KIF26A: variants seen among roughly 807,000 people sequenced by gnomAD.
KIF26A encodes kinesin family member 26A, also known as kinesin-like protein KIF26A.
A neutral mutation model predicts 126.0 loss-of-function variants in KIF26A; 74 were observed. That is an observed-to-expected ratio of 0.59 (90% confidence interval 0.49 to 0.71). The LOEUF is 0.71. KIF26A is among the 30% of genes least tolerant of loss of function. The pLI, the probability that KIF26A is intolerant of heterozygous loss-of-function variation, is 0.00. For synonymous variants in KIF26A, 1,445 were observed against 1,232.7 expected (o/e 1.17, Z -3.61); for missense variants, 2,984 against 2,763.3 (o/e 1.08, Z -1.79).
At chr14:104,167,796 C>A (rs1402020216) in intron 5 of KIF26A, among the ~76,000 whole-genome samples, 1 of 152,094 alleles carries the variant, frequency 6.6e-6, no homozygotes, top group Non-Finnish European at 1.5e-5. Context: ...CTTTTTCCTG[C>A]CCCTCGGCCT....
intron 13 of KIF26A, among the ~76,000 whole-genome samples, chr14:104,178,975 GGT>G (rs1156485211): frequency 2.0e-5 from 3 of 152,190 alleles, no homozygotes; most frequent in Non-Finnish European, 4.4e-5. Context: ...GCAGTGGGTG[GGT>G]GGCTGGGGGG....
chr14:104,166,346 T>C (rs924605692), intron 4 of KIF26A, among the ~76,000 whole-genome samples: 2 of 152,182 alleles, frequency 1.3e-5, no homozygotes, highest in Admixed American at 6.5e-5. Flanking sequence ...GTGCCTTGAG[T>C]GTGTCAGTCC....
chr14:104,163,701 G>A (rs1246746039), intron 4 of KIF26A, among the ~76,000 whole-genome samples: 1 of 151,620 alleles, frequency 6.6e-6, no homozygotes, highest in African/African-American at 2.4e-5. Context: ...CCCCGAGCAT[G>A]CGCGGCACGG....
rs2038037974 is a variant in KIF26A at position 104,177,006 on chromosome 14, C to T, written c.4218C>T (p.Ser1406=). ...GGGAGGAGGAGCCCAGACCCAGCAG[C>T]CGGGCTGACCACTCTGTCCCCAGGG... The part of the protein sequence containing the change: ...LRGEEEPRPS[S]RADHSVPRAT... Residue 1406 remains serine, a synonymous_variant, in exon 12 of 15, where the codon AGC becomes AGT. Coordinates refer to ENST00000423312, the MANE Select transcript of KIF26A (RefSeq NM_015656.2). 3 of 1,550,414 alleles carry T rather than the reference C, an allele frequency of 1.9e-6. No individual in the cohort carries two copies. The highest frequency in any genetic ancestry group is 2.3e-5 in the South Asian group (2 of 85,156).
At chr14:104,179,143 C>A in intron 13 of KIF26A, 93 bp from the exon 14 acceptor site, 1 of 1,328,480 alleles carries the variant, frequency 7.5e-7, no homozygotes, top group Non-Finnish European at 9.8e-7. Context: ...CAAGGCCTGG[C>A]AGGTGAAGGG....
chr14:104,158,728 A>G (rs1228009632), intron 4 of KIF26A, among the ~76,000 whole-genome samples: 1 of 152,174 alleles, frequency 6.6e-6, no homozygotes. Flanking sequence ...CAGAGGGAAC[A>G]GGAGAGCAGA....
At chr14:104,149,422 C>T (rs572364772) in intron 2 of KIF26A, among the ~76,000 whole-genome samples, 99 of 152,308 alleles carry the variant, frequency 6.5e-4, no homozygotes, top group South Asian at 3.5e-3. Flanking sequence ...ATGCCTGGGC[C>T]GCCGCTGTTG....
Position 104,175,408 on chromosome 14 carries a change from G to A in KIF26A, c.2620G>A (p.Gly874Arg). 6.3e-7 allele frequency: 1 copy of A among 1,594,956 alleles called. No individual in the cohort carries two copies. Among genetic ancestry groups the A allele is most frequent in the Non-Finnish European group, 8.5e-7 (1 of 1,176,574 alleles). The change falls in exon 12 of 15, where the codon GGG (glycine) becomes AGG (arginine). Residue 874 changes from glycine to arginine, a missense_variant. Coordinates refer to ENST00000423312, the MANE Select transcript of KIF26A (RefSeq NM_015656.2). The stretch of plus-strand genomic sequence containing the variant: ...CGGAGCTCAGGCCAGCCCCGCCCGA[G>A]GGGGCCGGAAGCCCTCGCCACCAGA... Reference protein sequence around the residue: ...TDGAQASPARGGRKPSPPEAA... With the variant: ...TDGAQASPARRGRKPSPPEAA...
At chr14:104,140,627 G>C (rs2037629128) in intron 2 of KIF26A, among the ~76,000 whole-genome samples, 1 of 152,150 alleles carries the variant, frequency 6.6e-6, no homozygotes, top group South Asian at 2.1e-4. Flanking sequence ...TCACGGGCAG[G>C]CCAGGGGTCC....
rs1193972634 is a variant in KIF26A, at chr14:104,166,883, C to T, written c.948C>T (p.Ala316=). ...FIRAMQKLSL[A]SKRKKPHPPP... is the part of the protein sequence containing the mutation. ...GGGCTATGCAGAAGCTCAGCCTGGC[C>T]TCCAAGAGGAAGAAGCCCCACCCGC... Residue 316 remains alanine, a synonymous_variant, in exon 5 of 15, where the codon GCC becomes GCT. Transcript: ENST00000423312. 6.3e-7 allele frequency: 1 copy of T among 1,582,690 alleles called. No homozygotes were observed. Among genetic ancestry groups the T allele is most frequent in the East Asian group, 2.3e-5 (1 of 43,162 alleles).
intron 11 of KIF26A, 144 bp from the exon 12 acceptor site, chr14:104,174,838 G>C: frequency 1.2e-6 from 1 of 846,866 alleles, no homozygotes; most frequent in Non-Finnish European, 1.8e-6. Flanking sequence ...TCCGCTCCCA[G>C]CGTTTGGTGG....
intron 5 of KIF26A, among the ~76,000 whole-genome samples, chr14:104,170,404 C>G (rs1399912494): frequency 6.6e-6 from 1 of 152,240 alleles, no homozygotes; most frequent in Non-Finnish European, 1.5e-5. Context: ...CTCCCGACTC[C>G]AGCGGCTTGC....
chr14:104,139,641 A>T (rs2037618003), intron 2 of KIF26A, among the ~76,000 whole-genome samples: 1 of 152,192 alleles, frequency 6.6e-6, no homozygotes, highest in Non-Finnish European at 1.5e-5. Flanking sequence ...CAGCCCTACC[A>T]GCAGGGAGAG....
At chr14:104,139,315 C>G (rs1336632250) in intron 2 of KIF26A, 27 bp downstream of exon 2, 1 of 1,437,228 alleles carries the variant, frequency 7.0e-7, no homozygotes. Context: ...TAGGCCGACC[C>G]CTCCGAGCAG....
At position 104,139,081 on chromosome 14, in the gene KIF26A, G is replaced by A. The variant is rs762059601; in HGVS notation, c.81G>A (p.Leu27=). The change falls in exon 2 of 15, where the codon CTG becomes CTA. Residue 27 remains leucine (L), a synonymous_variant. Coordinates refer to ENST00000423312, the MANE Select transcript of KIF26A (RefSeq NM_015656.2). The stretch of plus-strand genomic sequence containing the variant: ...GCCCGGCCCGCGAGCCGCCGCCGCT[G>A]CTGGAGGTGTCCCCCCGAAAGAGGC... The part of the protein sequence containing the change: ...EGGPAREPPP[L]LEVSPRKRLP... 27 of 1,434,440 alleles carry A rather than the reference G, an allele frequency of 1.9e-5. No homozygotes were observed. In the South Asian group the frequency reaches 3.8e-4, roughly 20 times the overall value. The allele number at this position is 1,434,440 out of a possible 1,614,324, so 88.9% of individuals were successfully genotyped here. A position where few individuals can be genotyped will look rare whatever the true frequency, so the allele number is the denominator to read the frequency against.
rs866798464 is a variant in KIF26A at position 104,172,721 on chromosome 14, C to G, written c.1420+53C>G. 8.0e-6 allele frequency: 11 copies of G among 1,378,456 alleles called. No homozygotes were observed. The South Asian group carries it at 1.1e-4, about 14-fold the overall frequency. The allele number at this position is 1,378,456 out of a possible 1,614,324, so 85.4% of individuals were successfully genotyped here. A position where few individuals can be genotyped will look rare whatever the true frequency, so the allele number is the denominator to read the frequency against. The stretch of plus-strand genomic sequence containing the variant: ...GGTCCTGCTGGCCACCCCCTCCCAT[C>G]CTCATCACGGTGGTTGCTGGCAGCT... On this transcript the variant is annotated intron_variant, in intron 7 of 14. Transcript: ENST00000423312.
At chr14:104,141,719 G>T (rs776648864) in intron 2 of KIF26A, among the ~76,000 whole-genome samples, 6 of 152,184 alleles carry the variant, frequency 3.9e-5, no homozygotes, top group Non-Finnish European at 7.4e-5. Context: ...AGAGGGTCGG[G>T]CCCAGCCTGC....
In KIF26A at chr14:104,148,118, G is replaced by A. The variant is rs913481227; in HGVS notation, c.289-3897G>A. ...GGGGAGACTTCTCTCCTGCAGTGAC[G>A]GGGAGCGGGGAGTCCCCGGTAAAGT... is the stretch of plus-strand genomic sequence containing the variant. On this transcript the variant is annotated intron_variant, in intron 2 of 14. Coordinates refer to ENST00000423312, the MANE Select transcript of KIF26A (RefSeq NM_015656.2). The surrounding 1 kb of genome is among the most constrained non-coding windows in gnomAD (Gnocchi z 4.3). 2.6e-5 allele frequency among the ~76,000 whole-genome samples: 4 copies of A among 152,176 alleles called. No individual in the cohort carries two copies. Among genetic ancestry groups the A allele is most frequent in the Non-Finnish European group, 4.4e-5 (3 of 68,014 alleles).
At position 104,157,924 on chromosome 14, in the gene KIF26A, C is replaced by T. The variant is rs780023153; in HGVS notation, c.905C>T (p.Ala302Val). Residue 302 changes from alanine to valine, a missense_variant, in exon 4 of 15, where the codon GCA becomes GTA. Transcript: ENST00000423312. ...GGGGGCTCCACAGGCCCCTCAGCTG[C>T]AGCCTCCTTCTTCATAAGGTATGTC... ...SVGGSTGPSAAASFFIRAMQK... is the reference protein window; with the variant it reads ...SVGGSTGPSAVASFFIRAMQK... 23 of 1,516,210 alleles carry T rather than the reference C, an allele frequency of 1.5e-5. No individual in the cohort carries two copies. In the South Asian group the frequency reaches 2.9e-4, roughly 19 times the overall value. The allele number at this position is 1,516,210 out of a possible 1,614,324, so 93.9% of individuals were successfully genotyped here.
Sources: gnomAD v4.1 joint callset for allele counts (sites outside exome capture counted in the v4.1 genomes callset) on GRCh38, gnomAD v4.1.1 for gene constraint, Gnocchi (gnomAD v3.1) non-coding constraint, MANE v1.5 for transcripts, NCBI Gene and HGNC (gene_info 2026-07-23, HGNC 2026-07-21) for gene names.